Variants in VWA3B observed in about 807,000 individuals in gnomAD.
The protein encoded by VWA3B is von Willebrand factor A domain-containing protein 3B.
Under a neutral mutation model 158.3 loss-of-function variants are expected in VWA3B, and 138 were observed. That is an observed-to-expected ratio of 0.87 (90% CI 0.76 to 1.00). The LOEUF (loss-of-function observed/expected upper bound fraction) is 1.00. VWA3B is among the 50% of genes least tolerant of loss of function. VWA3B has a pLI of 0.00. For missense variants in VWA3B, 1,555 were observed against 1,565.1 expected (o/e 0.99, Z 0.11); for synonymous variants, 596 against 587.3 (o/e 1.01, Z -0.21).
In VWA3B at chr2:98,138,462, G is replaced by A. The variant is rs144039591; in HGVS notation, c.988+4523G>A. On this transcript the variant is annotated intron_variant, in intron 7 of 27. Coordinates refer to ENST00000477737, the MANE Select transcript of VWA3B (RefSeq NM_144992.5). ...ATTGTATTTTTTCATGAGCTCGCCC[G>A]TATTTTCTTACACACTGGGGGAAAA... is the stretch of plus-strand genomic sequence containing the variant. Among the ~76,000 whole-genome samples, 283 of 152,290 alleles carry A rather than the reference G, an allele frequency of 1.9e-3. 1 individual carries two copies. The highest frequency in any genetic ancestry group is 6.4e-3 in the African/African-American group (266 of 41,544).
chr2:98,123,038 A>G (rs1675086645), intron 5 of VWA3B, among the ~76,000 whole-genome samples: 1 of 152,204 alleles, frequency 6.6e-6, no homozygotes, highest in Admixed American at 6.5e-5. Context: ...TGCCTTGCAT[A>G]TAAAAATGCC....
intron 24 of VWA3B, among the ~76,000 whole-genome samples, chr2:98,299,530 C>T (rs1389864099): frequency 6.6e-6 from 1 of 152,200 alleles, no homozygotes; most frequent in Non-Finnish European, 1.5e-5. Context: ...GCTTCCTAGT[C>T]AGAGCACTGG....
At chr2:98,135,467 C>T (rs937652063) in intron 7 of VWA3B, among the ~76,000 whole-genome samples, 2 of 147,480 alleles carry the variant, frequency 1.4e-5, no homozygotes, top group African/African-American at 2.5e-5. Flanking sequence ...TCCCGAGTAG[C>T]TGGGACTACA....
At chr2:98,178,910 A>G (rs565852387) in intron 8 of VWA3B, among the ~76,000 whole-genome samples, 5 of 152,076 alleles carry the variant, frequency 3.3e-5, no homozygotes, top group Non-Finnish European at 7.4e-5. Context: ...AGAAAAAAAC[A>G]TTTCCCTGCC....
chr2:98,225,022 C>G (rs946353862), intron 14 of VWA3B, among the ~76,000 whole-genome samples: 1 of 152,202 alleles, frequency 6.6e-6, no homozygotes, highest in African/African-American at 2.4e-5. Context: ...CAATCTCCAC[C>G]TCTATGGTTC....
At chr2:98,278,333 T>C (rs1449552513) in intron 22 of VWA3B, among the ~76,000 whole-genome samples, 3 of 152,012 alleles carry the variant, frequency 2.0e-5, no homozygotes, top group Non-Finnish European at 4.4e-5. Context: ...TCTAGAGGAG[T>C]ACCCACAACC....
intron 9 of VWA3B, among the ~76,000 whole-genome samples, chr2:98,186,839 C>T (rs538012833): frequency 1.3e-5 from 2 of 152,210 alleles, no homozygotes; most frequent in African/African-American, 4.8e-5. Flanking sequence ...TTGCTGCTCT[C>T]GTGAAAGCCC....
intron 2 of VWA3B, among the ~76,000 whole-genome samples, chr2:98,099,749 C>A (rs1458079969): frequency 1.3e-5 from 2 of 151,990 alleles, no homozygotes; most frequent in African/African-American, 4.8e-5. Context: ...TTTCTTCATT[C>A]CCTTTTTCTT....
At chr2:98,130,631 A>G (rs969589299) in intron 6 of VWA3B, among the ~76,000 whole-genome samples, 1 of 152,258 alleles carries the variant, frequency 6.6e-6, no homozygotes, top group African/African-American at 2.4e-5. Context: ...TTAACAAAGC[A>G]TATCTTGCAC....
At chr2:98,234,860 C>G in intron 17 of VWA3B, 93 bp downstream of exon 17, 1 of 1,538,178 alleles carries the variant, frequency 6.5e-7, no homozygotes, top group Non-Finnish European at 8.8e-7. Context: ...TTGGGGAAAT[C>G]ATATTTTAAA....
chr2:98,322,896 A>G, the VWA3B span, among the ~76,000 whole-genome samples: 1 of 152,208 alleles, frequency 6.6e-6, no homozygotes, highest in Admixed American at 6.5e-5. Context: ...TCATATTACA[A>G]GAGAAAAAAG....
At chr2:98,241,213 T>TG (rs1170422921) in intron 19 of VWA3B, among the ~76,000 whole-genome samples, 1 of 151,828 alleles carries the variant, frequency 6.6e-6, no homozygotes, top group Admixed American at 6.6e-5. Flanking sequence ...CCCCAGGCAG[T>TG]GGGGGAGCTT....
intron 8 of VWA3B, among the ~76,000 whole-genome samples, chr2:98,171,434 G>A (rs1434163461): frequency 1.3e-5 from 2 of 152,130 alleles, no homozygotes; most frequent in African/African-American, 2.4e-5. Flanking sequence ...AGCCGGGAGT[G>A]TATGCCAGGA....
chr2:98,279,936 T>A (rs760558936), intron 22 of VWA3B, among the ~76,000 whole-genome samples: 2 of 152,200 alleles, frequency 1.3e-5, no homozygotes, highest in African/African-American at 2.4e-5. Context: ...GTGGATGTCT[T>A]GAAAAGTTTT....
chr2:98,168,381 A>ACACC (rs1679285353), intron 8 of VWA3B, among the ~76,000 whole-genome samples: 1 of 144,492 alleles, frequency 6.9e-6, no homozygotes, highest in Non-Finnish European at 1.5e-5. Context: ...ACACATACAC[A>ACACC]CACACACACA....
chr2:98,322,980 C>CCA, the VWA3B span, among the ~76,000 whole-genome samples: 21 of 151,456 alleles, frequency 1.4e-4, no homozygotes, highest in East Asian at 7.7e-4. Context: ...CGAAAAACAA[C>CCA]CACACACACA....
In VWA3B at chr2:98,115,719, C is replaced by CA; in HGVS notation, c.265dup (p.Arg89LysfsTer13). 6.2e-7 allele frequency: 1 copy of CA among 1,613,504 alleles called. No individual in the cohort carries two copies. The highest frequency in any genetic ancestry group is 8.5e-7 in the Non-Finnish European group (1 of 1,180,002). ...CTGATGGTCTGTTTCCACAGCTCTACAGAGCAGAAGATGGCAGAGTATACA... is the reference window on the plus strand; with the variant it reads ...CTGATGGTCTGTTTCCACAGCTCTACAAGAGCAGAAGATGGCAGAGTATACA... On this transcript the variant is annotated frameshift_variant, in exon 3 of 28. Coordinates refer to ENST00000477737, the MANE Select transcript of VWA3B (RefSeq NM_144992.5). LOFTEE classifies it high-confidence loss of function.
chr2:98,302,268 C>T (rs951787781), intron 25 of VWA3B, among the ~76,000 whole-genome samples: 2 of 152,198 alleles, frequency 1.3e-5, no homozygotes, highest in Non-Finnish European at 2.9e-5. Context: ...CCTGCAGGCC[C>T]TCAGGTTCCT....
In VWA3B at chr2:98,133,936, C is replaced by G; in HGVS notation, c.985C>G (p.Pro329Ala). The change falls in exon 7 of 28, where the codon CCA becomes GCA. Residue 329 changes from proline to alanine, a missense_variant. Physicochemically the swap from Pro to Ala is conservative, Grantham distance 27. Transcript: ENST00000477737. The stretch of plus-strand genomic sequence containing the variant: ...AAGGAAACTGAAAGGAAAACTCCCT[C>G]CAGGTACCTGGAATCCAAAAGAAGT... ...NSRKLKGKLP[P>A]GAGVREDVFL... 5 of 1,613,876 alleles carry G rather than the reference C, an allele frequency of 3.1e-6. No individual in the cohort carries two copies. Among genetic ancestry groups the G allele is most frequent in the Non-Finnish European group, 4.2e-6 (5 of 1,179,766 alleles).
Sources: gnomAD v4.1 joint callset for allele counts (sites outside exome capture counted in the v4.1 genomes callset) on GRCh38, gnomAD v4.1.1 for gene constraint, MANE v1.5 for transcripts, NCBI Gene and HGNC (gene_info 2026-07-23, HGNC 2026-07-21) for gene names.